The following PFDN1 variants were observed in gnomAD, a reference collection of about 807,000 sequenced individuals.
The protein encoded by PFDN1 is prefoldin 1.
Under a neutral mutation model 17.3 loss-of-function variants are expected in PFDN1, and 6 were observed. The observed-to-expected ratio is 0.35, with a 90% CI of 0.19 to 0.69. The LOEUF is 0.69. PFDN1 is among the 30% of genes least tolerant of loss of function. The probability of loss-of-function intolerance (pLI) is 0.65; values close to 1 mark genes in which losing one functional copy is unlikely to be tolerated. For synonymous variants in PFDN1, 58 were observed against 50.1 expected, an observed-to-expected ratio of 1.16 and a Z score of -0.67; for missense variants, 113 against 146.2, an observed-to-expected ratio of 0.77 and a Z score of 1.17.
chr5:140,273,555 G>A (rs1361750417), intron 3 of PFDN1, among the ~76,000 whole-genome samples: 1 of 152,078 alleles, frequency 6.6e-6, no homozygotes, highest in East Asian at 1.9e-4. Context: ...CTCCTATCCT[G>A]TTCTCTCGCC....
chr5:140,266,426 A>G (rs1314583640), intron 3 of PFDN1, among the ~76,000 whole-genome samples: 1 of 152,188 alleles, frequency 6.6e-6, no homozygotes, highest in Non-Finnish European at 1.5e-5. Flanking sequence ...TCCCAAAGCT[A>G]TGGGTAAATA....
chr5:140,266,431 T>TA (rs1396432759), intron 3 of PFDN1, among the ~76,000 whole-genome samples: 1 of 152,164 alleles, frequency 6.6e-6, no homozygotes, highest in African/African-American at 2.4e-5. Flanking sequence ...AAGCTATGGG[T>TA]AAATACGTCA....
chr5:140,272,535 G>T (rs1581088974), intron 3 of PFDN1, among the ~76,000 whole-genome samples: 1 of 142,484 alleles, frequency 7.0e-6, no homozygotes, highest in Non-Finnish European at 1.5e-5. Context: ...AATTTTTGTA[G>T]TTTTAGTAGA....
chr5:140,257,802 T>G (rs1189456227), intron 3 of PFDN1, among the ~76,000 whole-genome samples: 1 of 152,190 alleles, frequency 6.6e-6, no homozygotes, highest in Non-Finnish European at 1.5e-5. Context: ...CCCTGGAGAT[T>G]ATACTGTTGC....
chr5:140,300,931 G>A (rs2126704382), intron 1 of PFDN1, among the ~76,000 whole-genome samples: 1 of 152,288 alleles, frequency 6.6e-6, no homozygotes, highest in Admixed American at 6.5e-5. Context: ...CACTACATTT[G>A]TATTGCACAA....
At chr5:140,246,421 A>ACTAT (rs1162507883) in intron 3 of PFDN1, among the ~76,000 whole-genome samples, 1 of 152,262 alleles carries the variant, frequency 6.6e-6, no homozygotes. Context: ...TCCGTAACAG[A>ACTAT]CTATCTCCTC....
chr5:140,261,797 C>T lies in PFDN1; in HGVS notation c.286-15740G>A, dbSNP rs576820372. On this transcript the variant is annotated intron_variant, in intron 3 of 3. Transcript: ENST00000261813. ...CTCAAAGTTAAACTTCTAGGTAAGA[C>T]AAGCAACCCAGGATCTTTGCTCATA... is the stretch of plus-strand genomic sequence containing the variant. 9.7e-4 allele frequency among the ~76,000 whole-genome samples: 147 copies of T among 152,182 alleles called. 2 individuals are homozygous for T. The highest frequency in any genetic ancestry group is 5.8e-4 in the East Asian group (3 of 5,186).
At chr5:140,246,363 G>A (rs1005802772) in intron 3 of PFDN1, among the ~76,000 whole-genome samples, 1 of 152,226 alleles carries the variant, frequency 6.6e-6, no homozygotes, top group African/African-American at 2.4e-5. Context: ...AGTACATGAA[G>A]TTATCCCAGA....
At chr5:140,300,187 G>A (rs1196298631) in intron 2 of PFDN1, among the ~76,000 whole-genome samples, 6 of 152,066 alleles carry the variant, frequency 3.9e-5, no homozygotes, top group African/African-American at 1.2e-4. Flanking sequence ...CTACAGGCAA[G>A]TGCCACCATG....
chr5:140,265,322 C>T lies in PFDN1; in HGVS notation c.285+16127G>A, dbSNP rs550804221. Among the ~76,000 whole-genome samples the T allele has an allele frequency of 1.7e-3, 254 of 152,212 alleles. 1 individual carries two copies. The highest frequency in any genetic ancestry group is 5.7e-3 in the African/African-American group (235 of 41,540). The stretch of plus-strand genomic sequence containing the variant: ...CTTGGTTATTTGGACTCAAAATGGA[C>T]GCCGTCCACACCTCTGTGGTCCTGC... On this transcript the variant is annotated intron_variant, in intron 3 of 3. Transcript: ENST00000261813.
chr5:140,266,017 C>A (rs1366193223), intron 3 of PFDN1, among the ~76,000 whole-genome samples: 1 of 152,200 alleles, frequency 6.6e-6, no homozygotes. Context: ...CTCTCCTCTG[C>A]CCTAGCCCCA....
chr5:140,251,899 C>G (rs1764918801), intron 3 of PFDN1, among the ~76,000 whole-genome samples: 1 of 152,198 alleles, frequency 6.6e-6, no homozygotes, highest in Admixed American at 6.5e-5. Context: ...CTCAAATAGA[C>G]TCCTGAGGTA....
intron 3 of PFDN1, among the ~76,000 whole-genome samples, chr5:140,278,784 A>G (rs1765344218): frequency 6.6e-6 from 1 of 152,212 alleles, no homozygotes; most frequent in Non-Finnish European, 1.5e-5. Flanking sequence ...AGTAAGATAC[A>G]CACAAAATTT....
At chr5:140,248,961 C>CT (rs1182272669) in intron 3 of PFDN1, among the ~76,000 whole-genome samples, 2 of 152,342 alleles carry the variant, frequency 1.3e-5, no homozygotes, top group East Asian at 3.9e-4. Flanking sequence ...CTGCCTTCAT[C>CT]TTTAAATTTT....
chr5:140,255,263 T>C (rs1357281518), intron 3 of PFDN1, among the ~76,000 whole-genome samples: 1 of 152,234 alleles, frequency 6.6e-6, no homozygotes, highest in Non-Finnish European at 1.5e-5. Flanking sequence ...AGTCTCTTCT[T>C]TCTCTACTGT....
At chr5:140,258,152 T>C (rs1765014311) in intron 3 of PFDN1, among the ~76,000 whole-genome samples, 2 of 152,098 alleles carry the variant, frequency 1.3e-5, no homozygotes, top group African/African-American at 2.4e-5. Context: ...TTGAAGGCAA[T>C]GGAATGCCAC....
At chr5:140,280,274 C>T (rs1007814614) in intron 3 of PFDN1, among the ~76,000 whole-genome samples, 1 of 151,840 alleles carries the variant, frequency 6.6e-6, no homozygotes, top group Admixed American at 6.6e-5. Context: ...GTTTTATCTA[C>T]ATGAAATGAT....
intron 2 of PFDN1, among the ~76,000 whole-genome samples, chr5:140,282,331 T>G (rs1040998949): frequency 2.0e-5 from 3 of 151,794 alleles, no homozygotes; most frequent in Non-Finnish European, 4.4e-5. Context: ...ATAAGTTTTG[T>G]TTTTTCAGTT....
intron 3 of PFDN1, among the ~76,000 whole-genome samples, chr5:140,253,804 C>T (rs1263833722): frequency 6.6e-6 from 1 of 152,186 alleles, no homozygotes; most frequent in African/African-American, 2.4e-5. Flanking sequence ...CTATCACTAC[C>T]TTAACTATAG....
Sources: gnomAD v4.1 joint callset for allele counts (sites outside exome capture counted in the v4.1 genomes callset) on GRCh38, gnomAD v4.1.1 for gene constraint, MANE v1.5 for transcripts, NCBI Gene and HGNC (gene_info 2026-07-23, HGNC 2026-07-21) for gene names.